The following RAD51B variants were observed in gnomAD, a reference collection of about 807,000 sequenced individuals.
RAD51B encodes DNA repair protein RAD51 homolog 2.
In RAD51B, 38 loss-of-function variants were observed where a neutral mutation model predicts 42.2. That is an observed-to-expected ratio of 0.90 (90% CI 0.70 to 1.18). The LOEUF is 1.18. Among genes scored for constraint, RAD51B ranks in the 50% most tolerant of loss-of-function variants. The pLI, the probability that RAD51B is intolerant of heterozygous loss-of-function variation, is 0.00. For missense variants in RAD51B, 373 were observed against 400.7 expected (o/e 0.93, Z 0.59); for synonymous variants, 154 against 145.2 (o/e 1.06, Z -0.43).
intron 7 of RAD51B, among the ~76,000 whole-genome samples, chr14:68,199,883 T>G (rs997361516): frequency 3.7e-4 from 57 of 152,212 alleles, no homozygotes; most frequent in African/African-American, 1.3e-3. Flanking sequence ...GTTTGGCCCA[T>G]TGTCTCCCAG....
At chr14:68,560,257 G>A (rs570651767) in intron 10 of RAD51B, among the ~76,000 whole-genome samples, 1 of 152,270 alleles carries the variant, frequency 6.6e-6, no homozygotes, top group Admixed American at 6.5e-5. Flanking sequence ...TTTTGGAGCT[G>A]TTGGAGAGGC....
intron 7 of RAD51B, among the ~76,000 whole-genome samples, chr14:68,253,916 A>G (rs908310766): frequency 3.9e-5 from 6 of 152,246 alleles, no homozygotes; most frequent in African/African-American, 7.2e-5. Flanking sequence ...CTGTCTTAAC[A>G]ATTACTAAAA....
At chr14:68,416,534 C>A (rs1454066420) in intron 9 of RAD51B, among the ~76,000 whole-genome samples, 2 of 152,198 alleles carry the variant, frequency 1.3e-5, no homozygotes, top group East Asian at 3.8e-4. Flanking sequence ...TACTCGTGAA[C>A]CCAGTCTGAA....
At chr14:68,525,913 T>C (rs943231955) in intron 10 of RAD51B, among the ~76,000 whole-genome samples, 1 of 152,142 alleles carries the variant, frequency 6.6e-6, no homozygotes, top group African/African-American at 2.4e-5. Flanking sequence ...TACTTGTGAT[T>C]TACAATTTTC....
chr14:68,532,089 G>A (rs1001861481), intron 10 of RAD51B, among the ~76,000 whole-genome samples: 4 of 152,148 alleles, frequency 2.6e-5, no homozygotes, highest in Admixed American at 6.5e-5. Context: ...ACAAAGGAAG[G>A]TCTCAACAAA....
At chr14:68,321,637 T>G (rs1301840317) in intron 8 of RAD51B, among the ~76,000 whole-genome samples, 1 of 152,214 alleles carries the variant, frequency 6.6e-6, no homozygotes, top group Non-Finnish European at 1.5e-5. Context: ...TTGAGCAAGT[T>G]ACTTAAACTC....
chr14:68,013,220 T>C (rs954049503), intron 7 of RAD51B, among the ~76,000 whole-genome samples: 3 of 152,196 alleles, frequency 2.0e-5, no homozygotes, highest in Non-Finnish European at 4.4e-5. Context: ...TGAACTAGTT[T>C]GGGCTTCCTT....
At chr14:68,577,228 T>C (rs1158383030) in intron 10 of RAD51B, among the ~76,000 whole-genome samples, 4 of 152,068 alleles carry the variant, frequency 2.6e-5, no homozygotes, top group African/African-American at 9.7e-5. Context: ...CGGGAGAGAG[T>C]TGGGAGGCAA....
At chr14:68,289,846 C>G (rs2081482020) in intron 7 of RAD51B, among the ~76,000 whole-genome samples, 1 of 152,078 alleles carries the variant, frequency 6.6e-6, no homozygotes, top group African/African-American at 2.4e-5. Context: ...TCTCACCAGT[C>G]TATGGAAAGT....
chr14:68,466,216 T>C (rs2085983042), intron 9 of RAD51B, among the ~76,000 whole-genome samples: 1 of 152,198 alleles, frequency 6.6e-6, no homozygotes, highest in African/African-American at 2.4e-5. Flanking sequence ...TATATTGTTA[T>C]TTGGTGAGTG....
At chr14:68,151,272 GCTTATC>G (rs1359397150) in intron 7 of RAD51B, among the ~76,000 whole-genome samples, 9 of 151,634 alleles carry the variant, frequency 5.9e-5, no homozygotes, top group Non-Finnish European at 1.3e-4. Flanking sequence ...TAGAAACTGT[GCTTATC>G]CTTATCTTTG....
At chr14:68,561,849 T>C in intron 10 of RAD51B, 1 of 629,646 alleles carries the variant, frequency 1.6e-6, no homozygotes, top group South Asian at 7.1e-5. Flanking sequence ...CCGACTTGTC[T>C]GGTCTCTGTA....
chr14:67,926,335 A>G (rs1773897593), intron 7 of RAD51B, among the ~76,000 whole-genome samples: 1 of 152,238 alleles, frequency 6.6e-6, no homozygotes, highest in South Asian at 2.1e-4. Flanking sequence ...TCAAAGTTCC[A>G]CAAATCTCTA....
chr14:67,938,691 A>T (rs1334590836), intron 7 of RAD51B, among the ~76,000 whole-genome samples: 1 of 152,352 alleles, frequency 6.6e-6, no homozygotes, highest in Admixed American at 6.5e-5. Context: ...TGATGTCTCA[A>T]TGTCATATTG....
chr14:68,225,781 C>A (rs1465417667), intron 7 of RAD51B, among the ~76,000 whole-genome samples: 1 of 152,154 alleles, frequency 6.6e-6, no homozygotes, highest in East Asian at 1.9e-4. Context: ...TAGCGGAACA[C>A]AGTGACCAGT....
rs568838268 is a variant in RAD51B at position 68,402,525 on chromosome 14, T to C, written c.854-8899T>C. ...GTCTTTAAGCTTTGTTACTATGAAG[T>C]TGTGTTTGCTGGGACTTGGCCACTG... On this transcript the variant is annotated intron_variant, in intron 8 of 10. Transcript: ENST00000471583. Among the ~76,000 whole-genome samples, 44 of 152,332 alleles carry C rather than the reference T, an allele frequency of 2.9e-4. No individual in the cohort carries two copies. In the South Asian group the frequency reaches 8.9e-3, roughly 31 times the overall value.
intron 7 of RAD51B, among the ~76,000 whole-genome samples, chr14:68,014,248 T>C (rs2075737184): frequency 1.3e-5 from 2 of 151,904 alleles, no homozygotes; most frequent in Admixed American, 6.6e-5. Flanking sequence ...GGTAACTTTG[T>C]ATGAGTTATT....
intron 8 of RAD51B, among the ~76,000 whole-genome samples, chr14:68,345,173 T>C (rs529437343): frequency 2.3e-4 from 35 of 152,300 alleles, no homozygotes; most frequent in African/African-American, 8.2e-4. Flanking sequence ...GACTTCAGAC[T>C]TGGGACTTTT....
chr14:68,624,368 TA>T (rs1416601580), intron 10 of RAD51B, among the ~76,000 whole-genome samples: 1 of 152,118 alleles, frequency 6.6e-6, no homozygotes, highest in Non-Finnish European at 1.5e-5. Flanking sequence ...ATGCCCAGTC[TA>T]AAGGGGGCTA....
Sources: gnomAD v4.1 joint callset for allele counts (sites outside exome capture counted in the v4.1 genomes callset) on GRCh38, gnomAD v4.1.1 for gene constraint, MANE v1.5 for transcripts, NCBI Gene and HGNC (gene_info 2026-07-23, HGNC 2026-07-21) for gene names.